Variants in DPP4 observed in about 807,000 individuals in gnomAD.
DPP4 encodes the protein dipeptidyl peptidase 4.
Under a neutral mutation model 122.4 loss-of-function variants are expected in DPP4, and 93 were observed. The ratio of observed to expected loss-of-function variants is 0.76; its 90% confidence interval spans 0.64 to 0.90. The LOEUF is 0.90. DPP4 is among the 40% of genes least tolerant of loss of function. The pLI, the probability that DPP4 is intolerant of heterozygous loss-of-function variation, is 0.00. For synonymous variants in DPP4, 321 were observed against 302.9 expected, an observed-to-expected ratio of 1.06 and a Z score of -0.62; for missense variants, 914 against 907.3, an observed-to-expected ratio of 1.01 and a Z score of -0.09.
chr2:162,049,905 T>C (rs531421033), intron 2 of DPP4, among the ~76,000 whole-genome samples: 2 of 152,258 alleles, frequency 1.3e-5, no homozygotes. Context: ...TTAAACCTTG[T>C]TCATTTAATA....
At chr2:162,015,414 TAA>T (rs1171634986) in intron 18 of DPP4, among the ~76,000 whole-genome samples, 18 of 151,968 alleles carry the variant, frequency 1.2e-4, no homozygotes, top group African/African-American at 4.4e-4. Flanking sequence ...GAGCAAAATT[TAA>T]GTCTCTATTA....
rs566843484 is a variant in DPP4 at position 162,069,155 on chromosome 2, G to T, written c.94+4244C>A. Among the ~76,000 whole-genome samples, 5 of 152,226 alleles carry T rather than the reference G, an allele frequency of 3.3e-5. No homozygotes were observed. In the South Asian group the frequency reaches 8.3e-4, roughly 25 times the overall value. ...CAGATAACTAAAGTACCCTCTCAAA[G>T]TTTCTATAAATCTTCTGTAGGAATG... is the stretch of plus-strand genomic sequence containing the variant. On this transcript the variant is annotated intron_variant, in intron 2 of 25. Transcript: ENST00000360534.
chr2:162,046,684 G>GC (rs1684184858), intron 4 of DPP4: 1 of 591,236 alleles, frequency 1.7e-6, no homozygotes, highest in South Asian at 1.5e-5. Flanking sequence ...TGAAGATGGA[G>GC]CCCCAAGGAG....
At chr2:162,058,987 G>A (rs1208895665) in intron 2 of DPP4, among the ~76,000 whole-genome samples, 2 of 152,204 alleles carry the variant, frequency 1.3e-5, no homozygotes, top group African/African-American at 2.4e-5. Context: ...ATCAGCATAC[G>A]ACTCCAATAT....
intron 23 of DPP4, among the ~76,000 whole-genome samples, chr2:162,001,601 C>A (rs1701149752): frequency 6.6e-6 from 1 of 152,216 alleles, no homozygotes; most frequent in Admixed American, 6.5e-5. Context: ...GAATGAAAGT[C>A]TACCACGTTA....
Position 162,073,994 on chromosome 2 carries a change from C to T in DPP4, c.-13G>A, listed in dbSNP as rs201178973. 7.4e-6 allele frequency: 12 copies of T among 1,611,590 alleles called. No individual in the cohort carries two copies. The highest frequency in any genetic ancestry group is 9.3e-6 in the Non-Finnish European group (11 of 1,178,948). On this transcript the variant is annotated 5_prime_UTR_variant, in exon 1 of 26. Coordinates refer to ENST00000360534, the MANE Select transcript of DPP4 (RefSeq NM_001935.4). ...CACTCACCTTCATCGTCGGCGTCTC[C>T]TCGGAAGTGAGCGTTCAGAGAAGGA...
intron 2 of DPP4, among the ~76,000 whole-genome samples, chr2:162,060,827 A>T (rs73009181): frequency 0.35 from 52,690 of 151,742 alleles, 10,646 homozygotes; most frequent in African/African-American, 0.56. Flanking sequence ...GGATTTTTTT[A>T]AAATCTTACC....
chr2:162,034,970 A>C (rs1462893663), intron 9 of DPP4, among the ~76,000 whole-genome samples, 194 bp downstream of exon 9: 1 of 152,142 alleles, frequency 6.6e-6, no homozygotes, highest in Non-Finnish European at 1.5e-5. Context: ...AGAAATTACA[A>C]AACCTTAAAT....
intron 11 of DPP4, among the ~76,000 whole-genome samples, chr2:162,023,379 T>C (rs932141068): frequency 1.3e-5 from 2 of 152,198 alleles, no homozygotes; most frequent in Non-Finnish European, 2.9e-5. Flanking sequence ...TTTAAAACCT[T>C]GAAACAACTC....
At chr2:162,035,824 G>A (rs1278307484) in intron 8 of DPP4, among the ~76,000 whole-genome samples, 1 of 152,078 alleles carries the variant, frequency 6.6e-6, no homozygotes, top group Non-Finnish European at 1.5e-5. Context: ...AACAAGGTGT[G>A]GGAAGGATAG....
chr2:162,047,305 AC>A, intron 3 of DPP4, 97 bp downstream of exon 3: 2 of 671,620 alleles, frequency 3.0e-6, no homozygotes, highest in Non-Finnish European at 2.4e-6. Flanking sequence ...ATTTTTAAAA[AC>A]AAGGATTACC....
intron 18 of DPP4, among the ~76,000 whole-genome samples, chr2:162,015,957 G>A (rs1195953703): frequency 2.6e-5 from 4 of 152,168 alleles, no homozygotes; most frequent in Non-Finnish European, 4.4e-5. Flanking sequence ...GACCTGCTGG[G>A]TCAGAATGTG....
chr2:162,027,812 C>A (rs1683386735), intron 10 of DPP4, among the ~76,000 whole-genome samples: 1 of 152,160 alleles, frequency 6.6e-6, no homozygotes, highest in East Asian at 1.9e-4. Flanking sequence ...GGAAGTCAGC[C>A]AGGAAACTCA....
intron 25 of DPP4, 48 bp from the exon 26 acceptor site, chr2:161,993,432 C>A: frequency 7.9e-7 from 1 of 1,273,676 alleles, no homozygotes; most frequent in African/African-American, 1.6e-5. Context: ...CAGTACTCTT[C>A]TTAAAAAAAA....
intron 22 of DPP4, among the ~76,000 whole-genome samples, chr2:162,006,627 G>A (rs1233133171): frequency 6.6e-6 from 1 of 151,992 alleles, no homozygotes; most frequent in Non-Finnish European, 1.5e-5. Context: ...AAAACAGGTT[G>A]CATAATTGGT....
intron 11 of DPP4, among the ~76,000 whole-genome samples, chr2:162,023,627 T>TC (rs1038023523): frequency 6.6e-6 from 1 of 152,144 alleles, no homozygotes; most frequent in African/African-American, 2.4e-5. Flanking sequence ...ATCATCTCCT[T>TC]CCCCAGTCTG....
intron 2 of DPP4, among the ~76,000 whole-genome samples, chr2:162,062,426 C>T (rs1466277327): frequency 6.6e-6 from 1 of 152,186 alleles, no homozygotes; most frequent in Non-Finnish European, 1.5e-5. Flanking sequence ...GTCAGCAGTC[C>T]AGCCCATTTT....
At chr2:162,002,230 T>C (rs1701167843) in intron 23 of DPP4, among the ~76,000 whole-genome samples, 1 of 152,232 alleles carries the variant, frequency 6.6e-6, no homozygotes, top group South Asian at 2.1e-4. Flanking sequence ...TGTATGCAAA[T>C]GGCTCTTCTA....
intron 2 of DPP4, among the ~76,000 whole-genome samples, chr2:162,070,494 G>A (rs910527868): frequency 6.6e-6 from 1 of 152,018 alleles, no homozygotes; most frequent in South Asian, 2.1e-4. Flanking sequence ...TAGTTTCCAC[G>A]TAATTTAGGT....
Sources: gnomAD v4.1 joint callset for allele counts (sites outside exome capture counted in the v4.1 genomes callset) on GRCh38, gnomAD v4.1.1 for gene constraint, MANE v1.5 for transcripts, NCBI Gene and HGNC (gene_info 2026-07-23, HGNC 2026-07-21) for gene names.